The following CYP7B1 variants were observed in gnomAD, a reference collection of about 807,000 sequenced individuals.
CYP7B1 encodes cytochrome P450 7B1.
In CYP7B1, 29 loss-of-function variants were observed where a neutral mutation model predicts 42.7. That is an observed-to-expected ratio of 0.68 (90% CI 0.51 to 0.93). The LOEUF (loss-of-function observed/expected upper bound fraction) is 0.93. Ranked by LOEUF, CYP7B1 falls within the 40% of genes least tolerant of loss-of-function variation. The pLI, the probability that CYP7B1 is intolerant of heterozygous loss-of-function variation, is 0.00. For missense variants in CYP7B1, 655 were observed against 600.5 expected, an observed-to-expected ratio of 1.09 and a Z score of -0.95; for synonymous variants, 235 against 218.2, an observed-to-expected ratio of 1.08 and a Z score of -0.68.
At chr8:64,781,090 T>A (rs1224758342) in intron 1 of CYP7B1, among the ~76,000 whole-genome samples, 3 of 152,140 alleles carry the variant, frequency 2.0e-5, no homozygotes, top group Non-Finnish European at 4.4e-5. Flanking sequence ...CCCATGATAA[T>A]CTGTAAAATC....
chr8:64,665,295 A>C (rs2129631517), intron 1 of CYP7B1, among the ~76,000 whole-genome samples: 1 of 152,258 alleles, frequency 6.6e-6, no homozygotes, highest in Non-Finnish European at 1.5e-5. Flanking sequence ...ATGCAGTATA[A>C]AGCACTCTCT....
chr8:64,777,865 A>C (rs1804352192), intron 1 of CYP7B1, among the ~76,000 whole-genome samples: 1 of 152,006 alleles, frequency 6.6e-6, no homozygotes, highest in African/African-American at 2.4e-5. Flanking sequence ...GGAAAAAAAA[A>C]ACACTGATTT....
At chr8:64,748,937 A>G (rs543438493) in intron 1 of CYP7B1, among the ~76,000 whole-genome samples, 1 of 152,244 alleles carries the variant, frequency 6.6e-6, no homozygotes, top group Non-Finnish European at 1.5e-5. Flanking sequence ...AACTATGCAG[A>G]TGATTACAAC....
intron 1 of CYP7B1, among the ~76,000 whole-genome samples, chr8:64,726,784 G>C (rs551107798): frequency 6.6e-6 from 1 of 152,282 alleles, no homozygotes; most frequent in South Asian, 2.1e-4. Context: ...AGACAATGTT[G>C]AATCTCCTTC....
At chr8:64,631,235 C>T (rs1585818613) in intron 1 of CYP7B1, among the ~76,000 whole-genome samples, 1 of 152,042 alleles carries the variant, frequency 6.6e-6, no homozygotes, top group Admixed American at 6.6e-5. Flanking sequence ...AATAATTATA[C>T]ACCATGAGCA....
chr8:64,629,636 G>A (rs899578478), intron 1 of CYP7B1, among the ~76,000 whole-genome samples: 5 of 151,952 alleles, frequency 3.3e-5, no homozygotes, highest in Non-Finnish European at 7.4e-5. Flanking sequence ...CACTTTGGAA[G>A]CTGCTGTGTT....
chr8:64,763,650 C>T lies in CYP7B1; in HGVS notation c.122+34816G>A, dbSNP rs1585901133. 2.0e-5 allele frequency among the ~76,000 whole-genome samples: 3 copies of T among 152,330 alleles called. No homozygotes were observed. The South Asian group carries it at 6.2e-4, about 32-fold the overall frequency. On this transcript the variant is annotated intron_variant, in intron 1 of 5. Transcript: ENST00000310193. Reference sequence around the variant, plus strand: ...GGCTGTCTGGGGAAGGGCTTTCTAACAACCCCCAACTCTTTTGGGTTGGGA... The same window carrying T: ...GGCTGTCTGGGGAAGGGCTTTCTAATAACCCCCAACTCTTTTGGGTTGGGA...
chr8:64,784,910 C>G (rs982290202), intron 1 of CYP7B1, among the ~76,000 whole-genome samples: 9 of 152,136 alleles, frequency 5.9e-5, no homozygotes, highest in African/African-American at 2.2e-4. Context: ...AAAAACTTCT[C>G]TTCTGCAAGG....
chr8:64,616,459 T>A (rs2129630230), intron 2 of CYP7B1, among the ~76,000 whole-genome samples, 178 bp from the exon 3 acceptor site: 1 of 152,280 alleles, frequency 6.6e-6, no homozygotes, highest in South Asian at 2.1e-4. Flanking sequence ...TGAAAGATGG[T>A]GGAAAACACT....
intron 1 of CYP7B1, among the ~76,000 whole-genome samples, chr8:64,690,291 T>C (rs1264171566): frequency 2.0e-5 from 3 of 152,176 alleles, no homozygotes; most frequent in African/African-American, 7.2e-5. Flanking sequence ...TGGTTCTAGC[T>C]ACTCAGGAGG....
At chr8:64,729,391 C>T (rs1020662782) in intron 1 of CYP7B1, among the ~76,000 whole-genome samples, 2 of 152,140 alleles carry the variant, frequency 1.3e-5, no homozygotes, top group African/African-American at 2.4e-5. Context: ...CACACGAAGG[C>T]AGTCCTTGAC....
intron 1 of CYP7B1, among the ~76,000 whole-genome samples, chr8:64,737,569 T>C (rs1183187755): frequency 6.6e-6 from 1 of 152,210 alleles, no homozygotes; most frequent in African/African-American, 2.4e-5. Context: ...CATATTTGTA[T>C]AAGAATCATA....
At chr8:64,759,052 G>A (rs971786121) in intron 1 of CYP7B1, among the ~76,000 whole-genome samples, 1 of 152,202 alleles carries the variant, frequency 6.6e-6, no homozygotes, top group Non-Finnish European at 1.5e-5. Context: ...TGTACTGTGA[G>A]AAAAGGAAGG....
chr8:64,646,729 C>T (rs184750823), intron 1 of CYP7B1, among the ~76,000 whole-genome samples: 4 of 152,320 alleles, frequency 2.6e-5, no homozygotes, highest in East Asian at 1.9e-4. Context: ...CCTTGTACTT[C>T]TATGTTATGG....
intron 1 of CYP7B1, among the ~76,000 whole-genome samples, chr8:64,750,435 G>C (rs922717112): frequency 3.9e-5 from 6 of 152,150 alleles, no homozygotes; most frequent in African/African-American, 1.2e-4. Context: ...GAAGTCAAAG[G>C]AATGAATTTA....
chr8:64,734,731 T>C (rs574175989), intron 1 of CYP7B1, among the ~76,000 whole-genome samples: 13 of 152,360 alleles, frequency 8.5e-5, no homozygotes, highest in African/African-American at 3.1e-4. Flanking sequence ...AAGATTGTTC[T>C]AAGCATCTCT....
At chr8:64,759,760 T>A (rs1222901993) in intron 1 of CYP7B1, among the ~76,000 whole-genome samples, 1 of 152,156 alleles carries the variant, frequency 6.6e-6, no homozygotes, top group Non-Finnish European at 1.5e-5. Context: ...AGCTAATTAG[T>A]GAGAAAGATA....
intron 1 of CYP7B1, among the ~76,000 whole-genome samples, chr8:64,776,755 C>T (rs141003889): frequency 1.3e-5 from 2 of 152,176 alleles, no homozygotes; most frequent in African/African-American, 4.8e-5. Context: ...ACCTAGCTGC[C>T]CTTCCTCTAA....
intron 1 of CYP7B1, among the ~76,000 whole-genome samples, chr8:64,643,130 T>TATATATAC (rs1243560497): frequency 1.7e-4 from 22 of 131,108 alleles, no homozygotes; most frequent in Middle Eastern, 3.7e-3. Context: ...CATATATACA[T>TATATATAC]ATATATACAT....
Sources: allele counts gnomAD v4.1 joint callset (sites outside exome capture counted in the v4.1 genomes callset), GRCh38; gene constraint gnomAD v4.1.1; transcripts MANE v1.5; gene names NCBI Gene and HGNC (gene_info 2026-07-23, HGNC 2026-07-21).